MTREX: variants seen among roughly 807,000 people sequenced by gnomAD.
The protein encoded by MTREX is Mtr4 exosome RNA helicase.
In MTREX, 76 loss-of-function variants were observed where a neutral mutation model predicts 135.4. The ratio of observed to expected loss-of-function variants is 0.56; its 90% CI spans 0.47 to 0.68. The LOEUF is 0.68. Ranked by LOEUF, MTREX falls within the 30% of genes least tolerant of loss-of-function variation. The pLI is 0.00. For missense variants in MTREX, 920 were observed against 1,262.1 expected (o/e 0.73, Z 4.11); for synonymous variants, 404 against 401.6 (o/e 1.01, Z -0.07).
intron 3 of MTREX, among the ~76,000 whole-genome samples, chr5:55,326,580 T>G (rs966212071): frequency 6.6e-6 from 1 of 152,296 alleles, no homozygotes; most frequent in South Asian, 2.1e-4. Context: ...GTCCTCTGAT[T>G]ATAACCTCCA....
At chr5:55,311,102 A>G (rs148280810) in intron 1 of MTREX, among the ~76,000 whole-genome samples, 44 of 152,344 alleles carry the variant, frequency 2.9e-4, no homozygotes, top group African/African-American at 9.4e-4. Flanking sequence ...TTTTAAAAAA[A>G]CTTTATGAGA....
intron 16 of MTREX, among the ~76,000 whole-genome samples, 180 bp downstream of exon 16, chr5:55,367,055 G>T (rs1197814294): frequency 6.6e-6 from 1 of 152,168 alleles, no homozygotes; most frequent in East Asian, 1.9e-4. Flanking sequence ...ATGAAGGAAA[G>T]AAAACCCTGG....
chr5:55,425,134 C>T lies in MTREX; in HGVS notation c.*362C>T. On this transcript the variant is annotated 3_prime_UTR_variant, in exon 27 of 27. Coordinates refer to ENST00000230640, the MANE Select transcript of MTREX (RefSeq NM_015360.5). ...GGCTTGTACACCAGGAAGAAAGATG[C>T]ATCCTCTTGCCTTGTGGCAATCATT... 6.6e-7 allele frequency: 1 copy of T among 1,521,656 alleles called. No individual in the cohort carries two copies. Among genetic ancestry groups the T allele is most frequent in the South Asian group, 1.3e-5 (1 of 79,926 alleles). 94.3% of individuals were successfully genotyped at this position (1,521,656 alleles called of 1,614,324 possible).
chr5:55,413,870 G>A (rs1253021239), intron 23 of MTREX, among the ~76,000 whole-genome samples: 1 of 152,178 alleles, frequency 6.6e-6, no homozygotes, highest in African/African-American at 2.4e-5. Flanking sequence ...AAACTACTAT[G>A]TATGTTTACA....
chr5:55,315,009 G>A (rs1243576020), intron 1 of MTREX, among the ~76,000 whole-genome samples: 1 of 152,142 alleles, frequency 6.6e-6, no homozygotes, highest in East Asian at 1.9e-4. Flanking sequence ...TTCCTAACAG[G>A]CCATGAACTG....
At chr5:55,382,208 G>A (rs965590463) in intron 18 of MTREX, among the ~76,000 whole-genome samples, 2 of 151,750 alleles carry the variant, frequency 1.3e-5, no homozygotes, top group South Asian at 2.1e-4. Flanking sequence ...TGTTTTCTGT[G>A]TCTTGTGTCT....
intron 1 of MTREX, among the ~76,000 whole-genome samples, chr5:55,321,696 C>G (rs1749292672): frequency 6.6e-6 from 1 of 150,572 alleles, no homozygotes; most frequent in South Asian, 2.1e-4. Flanking sequence ...GCAGCATCTG[C>G]CTCCTGGGTT....
chr5:55,350,126 A>G (rs1253822540), intron 12 of MTREX, among the ~76,000 whole-genome samples: 1 of 152,124 alleles, frequency 6.6e-6, no homozygotes, highest in Non-Finnish European at 1.5e-5. Context: ...TTCTGATTTA[A>G]TTGATCTGAT....
chr5:55,385,401 G>T (rs1302513663), intron 18 of MTREX, among the ~76,000 whole-genome samples: 1 of 152,112 alleles, frequency 6.6e-6, no homozygotes, highest in African/African-American at 2.4e-5. Flanking sequence ...AGCCTTACTT[G>T]CAGAGGACTT....
At chr5:55,308,554 G>A (rs1225531489) in intron 1 of MTREX, among the ~76,000 whole-genome samples, 2 of 152,128 alleles carry the variant, frequency 1.3e-5, no homozygotes, top group African/African-American at 4.8e-5. Context: ...AACATGAGAA[G>A]GGAGAGACAT....
At position 55,315,340 on chromosome 5, in the gene MTREX, A is replaced by T. The variant is rs111499168; in HGVS notation, c.135-6987A>T. Among the ~76,000 whole-genome samples, 929 of 152,296 alleles carry T rather than the reference A, an allele frequency of 6.1e-3. 8 individuals are homozygous for T. Among genetic ancestry groups the T allele is most frequent in the African/African-American group, 0.022 (896 of 41,546 alleles). On this transcript the variant is annotated intron_variant, in intron 1 of 26. Coordinates refer to ENST00000230640, the MANE Select transcript of MTREX (RefSeq NM_015360.5). ...TTTGTCATTCAGAAAAATTTTAATA[A>T]AGTCACGTTTGTCGTTCTTGTTGCT...
intron 5 of MTREX, among the ~76,000 whole-genome samples, chr5:55,338,327 C>G (rs907106813): frequency 2.0e-5 from 3 of 152,044 alleles, no homozygotes; most frequent in African/African-American, 7.2e-5. Flanking sequence ...CATCATTCTA[C>G]TGATATCATT....
chr5:55,410,659 TATTA>T (rs779242120), intron 23 of MTREX, 30 bp downstream of exon 23: 3 of 1,364,300 alleles, frequency 2.2e-6, no homozygotes, highest in Middle Eastern at 1.8e-4. Context: ...ACATCTTATT[TATTA>T]ATTCACACAT....
chr5:55,353,283 T>C lies in MTREX; in HGVS notation c.1533+14T>C, dbSNP rs1295962934. The C allele has an allele frequency of 6.6e-7, 1 of 1,524,702 alleles. No individual in the cohort carries two copies. Among genetic ancestry groups the C allele is most frequent in the African/African-American group, 1.4e-5 (1 of 72,394 alleles). 94.4% of individuals were successfully genotyped at this position (1,524,702 alleles called of 1,614,324 possible). A position where few individuals can be genotyped will look rare whatever the true frequency, so the allele number is the denominator to read the frequency against. ...GATTTCCGATGGGTAAGTAAAGCAA[T>C]TCATATATCAAAATAATTTTTGTCT... On this transcript the variant is annotated intron_variant, in intron 14 of 26. Coordinates refer to ENST00000230640, the MANE Select transcript of MTREX (RefSeq NM_015360.5).
At position 55,345,082 on chromosome 5, in the gene MTREX, T is replaced by C. The variant is rs1455453567; in HGVS notation, c.1006-12T>C. 3 of 1,565,760 alleles carry C rather than the reference T, an allele frequency of 1.9e-6. No individual in the cohort carries two copies. Among genetic ancestry groups the C allele is most frequent in the South Asian group, 2.3e-5 (2 of 87,764 alleles). On this transcript the variant is annotated splice_polypyrimidine_tract_variant and intron_variant, in intron 9 of 26. Coordinates refer to ENST00000230640, the MANE Select transcript of MTREX (RefSeq NM_015360.5). ...ATTAGTGAAGTTACACAGAAAAAAT[T>C]TGTGATTCCAGGGTGACTTCAGAGA...
intron 17 of MTREX, among the ~76,000 whole-genome samples, chr5:55,378,869 G>T (rs1579881397): frequency 6.6e-6 from 1 of 152,108 alleles, no homozygotes; most frequent in African/African-American, 2.4e-5. Context: ...GGAACATTCT[G>T]TCATTTTCAG....
At chr5:55,334,332 C>A (rs981945288) in intron 5 of MTREX, among the ~76,000 whole-genome samples, 4 of 152,034 alleles carry the variant, frequency 2.6e-5, no homozygotes, top group African/African-American at 9.7e-5. Flanking sequence ...ATGTGAATTT[C>A]ACTTCAGTAA....
intron 19 of MTREX, among the ~76,000 whole-genome samples, chr5:55,391,341 G>C (rs2111572615): frequency 6.6e-6 from 1 of 152,128 alleles, no homozygotes; most frequent in African/African-American, 2.4e-5. Flanking sequence ...CTGCTGTTTT[G>C]GAGGCTGAAG....
intron 14 of MTREX, among the ~76,000 whole-genome samples, chr5:55,355,782 G>T (rs1460079772): frequency 6.6e-6 from 1 of 152,214 alleles, no homozygotes; most frequent in Non-Finnish European, 1.5e-5. Context: ...CATAAGCTTT[G>T]TGTTTACCTG....
Sources: gnomAD v4.1 joint callset for allele counts (sites outside exome capture counted in the v4.1 genomes callset) on GRCh38, gnomAD v4.1.1 for gene constraint, MANE v1.5 for transcripts, NCBI Gene and HGNC (gene_info 2026-07-23, HGNC 2026-07-21) for gene names.